Variants in C19orf18 observed in about 807,000 individuals in gnomAD.
C19orf18 encodes the protein uncharacterized protein C19orf18.
In C19orf18, 21 loss-of-function variants were observed where a neutral mutation model predicts 23.3. That is an observed-to-expected ratio of 0.90 (90% CI 0.64 to 1.30). The LOEUF (loss-of-function observed/expected upper bound fraction) is 1.30. Ranked by LOEUF, C19orf18 falls within the 50% of genes most tolerant of loss-of-function variation. C19orf18 has a pLI of 0.00. For synonymous variants in C19orf18, 96 were observed against 95.2 expected, an observed-to-expected ratio of 1.01 and a Z score of -0.05; for missense variants, 249 against 259.6, an observed-to-expected ratio of 0.96 and a Z score of 0.28.
At chr19:57,971,478 G>GT (rs11336472) in intron 3 of C19orf18, among the ~76,000 whole-genome samples, 4 of 148,114 alleles carry the variant, frequency 2.7e-5, no homozygotes, top group Admixed American at 6.8e-5. Context: ...GAATAAAGTT[G>GT]TTTTTTTTAA....
At chr19:57,962,921 G>A (rs1464736566) in intron 4 of C19orf18, among the ~76,000 whole-genome samples, 1 of 152,082 alleles carries the variant, frequency 6.6e-6, no homozygotes, top group East Asian at 1.9e-4. Context: ...CAAAAGGCTG[G>A]GACAGGAGCA....
rs768258236 is a variant in C19orf18, at chr19:57,974,240, C to T, written c.122-37G>A. The T allele has an allele frequency of 6.8e-6, 11 of 1,613,398 alleles. No individual in the cohort carries two copies. The Admixed American group carries it at 1.0e-4, about 15-fold the overall frequency. On this transcript the variant is annotated intron_variant, in intron 1 of 5. Transcript: ENST00000314391. ...AACTTTTTGCGGTGAAATGTAATTA[C>T]CTTCTTTTTATCTCCCCTGAAACAG...
chr19:57,970,388 A>G (rs184815252), intron 3 of C19orf18, among the ~76,000 whole-genome samples: 84 of 152,344 alleles, frequency 5.5e-4, no homozygotes, highest in African/African-American at 1.9e-3. Context: ...CTCTGCACAT[A>G]TAAGTGAAAC....
chr19:57,963,943 T>C (rs2072891136), intron 4 of C19orf18, among the ~76,000 whole-genome samples: 1 of 152,168 alleles, frequency 6.6e-6, no homozygotes, highest in South Asian at 2.1e-4. Flanking sequence ...ACAAAATTAA[T>C]TGTAATTTTA....
At chr19:57,967,957 A>G (rs987955348) in intron 3 of C19orf18, among the ~76,000 whole-genome samples, 3 of 152,198 alleles carry the variant, frequency 2.0e-5, no homozygotes, top group African/African-American at 7.2e-5. Flanking sequence ...GGTTGCAGTG[A>G]GCCGAGATCG....
intron 3 of C19orf18, among the ~76,000 whole-genome samples, chr19:57,968,763 TG>T (rs1280653029): frequency 6.6e-6 from 1 of 152,144 alleles, no homozygotes; most frequent in Non-Finnish European, 1.5e-5. Flanking sequence ...CTCTGGCATT[TG>T]GGGCCTTAAT....
intron 3 of C19orf18, among the ~76,000 whole-genome samples, chr19:57,967,844 A>C (rs1600207068): frequency 6.6e-6 from 1 of 150,628 alleles, no homozygotes; most frequent in East Asian, 2.0e-4. Flanking sequence ...CCCATCTCTA[A>C]TAAAAATACA....
At chr19:57,973,962 C>A in intron 2 of C19orf18, 137 bp downstream of exon 2, 1 of 816,404 alleles carries the variant, frequency 1.2e-6, no homozygotes, top group South Asian at 1.9e-5. Flanking sequence ...ATCTAATTTC[C>A]AAGCAAATGT....
intron 3 of C19orf18, among the ~76,000 whole-genome samples, chr19:57,970,406 TCTC>T (rs2072936741): frequency 1.3e-5 from 2 of 152,066 alleles, no homozygotes; most frequent in Non-Finnish European, 1.5e-5. Context: ...AACCATAACT[TCTC>T]CTCTTTGGAA....
chr19:57,973,697 C>G lies in C19orf18; in HGVS notation c.226+402G>C, dbSNP rs1023557123. ...CCGAGATCGCGCCACTGCACTCCAG[C>G]CTGGGCGACAGAGCAAGACTCTGTC... On this transcript the variant is annotated intron_variant, in intron 2 of 5. Transcript: ENST00000314391. Among the ~76,000 whole-genome samples, 3 of 150,748 alleles carry G rather than the reference C, an allele frequency of 2.0e-5. No homozygotes were observed. In the South Asian group the frequency reaches 6.3e-4, roughly 32 times the overall value.
At chr19:57,969,068 G>A (rs540757599) in intron 3 of C19orf18, among the ~76,000 whole-genome samples, 43 of 152,216 alleles carry the variant, frequency 2.8e-4, no homozygotes, top group African/African-American at 1.0e-3. Context: ...CAGTAGAGGC[G>A]GGGACCTTGC....
chr19:57,969,566 GAAAAAAAA>G (rs59100128), intron 3 of C19orf18, among the ~76,000 whole-genome samples: 320 of 46,514 alleles, frequency 6.9e-3, no homozygotes, highest in Non-Finnish European at 7.8e-3. Flanking sequence ...AAAAAAAACA[GAAAAAAAA>G]AAAAAAAAAA....
Position 57,958,589 on chromosome 19 carries a change from C to G in C19orf18, c.*13G>C, listed in dbSNP as rs373021878. On this transcript the variant is annotated 3_prime_UTR_variant, in exon 6 of 6. Transcript: ENST00000314391. ...TTCTCCTCTGCCTCAGCCGGCACCTCTGTCGTCTGCGTTCACAAGTCTTCC... is the reference window on the plus strand; with the variant it reads ...TTCTCCTCTGCCTCAGCCGGCACCTGTGTCGTCTGCGTTCACAAGTCTTCC... 1 of 1,553,936 alleles carries G rather than the reference C, an allele frequency of 6.4e-7. No individual in the cohort carries two copies. Among genetic ancestry groups the G allele is most frequent in the Non-Finnish European group, 8.8e-7 (1 of 1,135,342 alleles).
chr19:57,966,449 C>A, intron 4 of C19orf18, 81 bp downstream of exon 4: 1 of 888,410 alleles, frequency 1.1e-6, no homozygotes. Flanking sequence ...GTATCATCAT[C>A]ATCCTTTGAC....
At position 57,974,324 on chromosome 19, in the gene C19orf18, T is replaced by C. The variant is rs757273865; in HGVS notation, c.109A>G (p.Thr37Ala). Residue 37 changes from threonine (T) to alanine (A), a missense_variant, in exon 1 of 6, where the codon ACA (threonine) becomes GCA (alanine). Physicochemically the swap from Thr to Ala is moderately conservative, Grantham distance 58. Coordinates refer to ENST00000314391, the MANE Select transcript of C19orf18 (RefSeq NM_152474.5). Reference protein sequence around the residue: ...ADGLHPTGNITGLPGSKRSQP... With the variant: ...ADGLHPTGNIAGLPGSKRSQP... ...TGGTTGAAGCTACCTGGTAAGCCTG[T>C]TATGTTTCCAGTGGGATGGAGTCCA... 2 of 1,614,218 alleles carry C rather than the reference T, an allele frequency of 1.2e-6. No homozygotes were observed. The highest frequency in any genetic ancestry group is 2.2e-5 in the South Asian group (2 of 91,078).
intron 4 of C19orf18, 44 bp from the exon 5 acceptor site, chr19:57,961,595 T>C (rs8102308): frequency 1.9e-6 from 3 of 1,597,816 alleles, no homozygotes; most frequent in Non-Finnish European, 2.6e-6. Context: ...GTTTTCATGA[T>C]GAATAATTCA....
intron 2 of C19orf18, among the ~76,000 whole-genome samples, chr19:57,973,753 C>A (rs12151138): frequency 6.6e-6 from 1 of 150,618 alleles, no homozygotes; most frequent in African/African-American, 2.5e-5. Context: ...AAAAAGAATT[C>A]TGTACACTCA....
chr19:57,969,327 T>A (rs551676632), intron 3 of C19orf18, among the ~76,000 whole-genome samples: 1 of 148,832 alleles, frequency 6.7e-6, no homozygotes, highest in South Asian at 2.1e-4. Flanking sequence ...GAGGCCGAGG[T>A]GTGCGGATCA....
At chr19:57,971,375 G>C (rs1363176547) in intron 3 of C19orf18, among the ~76,000 whole-genome samples, 2 of 151,980 alleles carry the variant, frequency 1.3e-5, no homozygotes, top group African/African-American at 4.8e-5. Flanking sequence ...CCAGGTCCCA[G>C]ACAACCAGGG....
Sources: allele counts gnomAD v4.1 joint callset (sites outside exome capture counted in the v4.1 genomes callset), GRCh38; gene constraint gnomAD v4.1.1; transcripts MANE v1.5; gene names NCBI Gene and HGNC (gene_info 2026-07-23, HGNC 2026-07-21).